MAPK4: variants seen among roughly 807,000 people sequenced by gnomAD.
The protein encoded by MAPK4 is mitogen-activated protein kinase 4.
MAPK4 carries 22 observed loss-of-function variants against 47.7 expected under a neutral mutation model. The observed-to-expected ratio is 0.46, with a 90% CI of 0.33 to 0.66. The LOEUF (loss-of-function observed/expected upper bound fraction) is 0.66. MAPK4 is among the 30% of genes least tolerant of loss of function. The pLI, the probability that MAPK4 is intolerant of heterozygous loss-of-function variation, is 0.02. For missense variants in MAPK4, 736 were observed against 831.7 expected (o/e 0.88, Z 1.42); for synonymous variants, 390 against 365.7 (o/e 1.07, Z -0.76).
At chr18:50,640,677 G>C (rs2042933121) in intron 1 of MAPK4, among the ~76,000 whole-genome samples, 1 of 152,154 alleles carries the variant, frequency 6.6e-6, no homozygotes, top group Admixed American at 6.5e-5. Context: ...TGTTGGCCAG[G>C]CTGGTCTCGA....
At chr18:50,632,042 G>C (rs191691986) in intron 1 of MAPK4, among the ~76,000 whole-genome samples, 51 of 152,280 alleles carry the variant, frequency 3.3e-4, no homozygotes, top group Non-Finnish European at 4.4e-5. Flanking sequence ...GAAAGGCACA[G>C]TGGGGGAGCT....
At position 50,730,108 on chromosome 18, in the gene MAPK4, T is replaced by A. The variant is rs1035349922; in HGVS notation, c.*254T>A. 5 of 380,794 alleles carry A rather than the reference T, an allele frequency of 1.3e-5. No individual in the cohort carries two copies. The highest frequency in any genetic ancestry group is 2.4e-5 in the Non-Finnish European group (5 of 212,502). 23.6% of individuals were successfully genotyped at this position (380,794 alleles called of 1,614,324 possible). A position where few individuals can be genotyped will look rare whatever the true frequency, so the allele number is the denominator to read the frequency against. On this transcript the variant is annotated 3_prime_UTR_variant, in exon 6 of 6. Coordinates refer to ENST00000400384, the MANE Select transcript of MAPK4 (RefSeq NM_002747.4). The stretch of plus-strand genomic sequence containing the variant: ...TTCCTAGCAAAGGGGAGACCACATG[T>A]GGTGCACAGGGAAGAAACGGCTTTA...
chr18:50,573,780 G>C (rs998416770), intron 1 of MAPK4, among the ~76,000 whole-genome samples: 2 of 152,160 alleles, frequency 1.3e-5, no homozygotes, highest in African/African-American at 4.8e-5. Context: ...GGAACATATG[G>C]TCAATATAGG....
chr18:50,631,006 C>A (rs1261884128), intron 1 of MAPK4, among the ~76,000 whole-genome samples: 1 of 152,158 alleles, frequency 6.6e-6, no homozygotes, highest in African/African-American at 2.4e-5. Context: ...TTATTTGTAT[C>A]CCCAAACCAG....
At chr18:50,729,102 T>C in intron 5 of MAPK4, 56 bp from the exon 6 acceptor site, 2 of 1,451,796 alleles carry the variant, frequency 1.4e-6, no homozygotes, top group Non-Finnish European at 1.9e-6. Context: ...CTTGGCTCCC[T>C]CCCGGAAGCT....
At chr18:50,638,690 C>T (rs951562936) in intron 1 of MAPK4, among the ~76,000 whole-genome samples, 1 of 152,176 alleles carries the variant, frequency 6.6e-6, no homozygotes, top group Middle Eastern at 3.2e-3. Flanking sequence ...GGAGTCTTTT[C>T]GGAGAGAGAT....
chr18:50,714,548 T>C (rs904380589), intron 2 of MAPK4, among the ~76,000 whole-genome samples: 4 of 152,198 alleles, frequency 2.6e-5, no homozygotes, highest in Non-Finnish European at 5.9e-5. Flanking sequence ...ATTATGAAGA[T>C]GGTCTTATCT....
chr18:50,665,032 A>G (rs1052786104), intron 2 of MAPK4, among the ~76,000 whole-genome samples: 13 of 152,222 alleles, frequency 8.5e-5, no homozygotes, highest in African/African-American at 3.1e-4. Flanking sequence ...CTAATCCTTC[A>G]CTGTACCTTA....
intron 1 of MAPK4, among the ~76,000 whole-genome samples, chr18:50,576,599 T>C (rs1598789089): frequency 1.3e-5 from 2 of 152,168 alleles, no homozygotes; most frequent in Admixed American, 6.5e-5. Flanking sequence ...GCAATTTATT[T>C]ATATAACAAA....
chr18:50,573,014 T>C (rs549538036), intron 1 of MAPK4, among the ~76,000 whole-genome samples: 1 of 152,276 alleles, frequency 6.6e-6, no homozygotes, highest in East Asian at 1.9e-4. Flanking sequence ...CTCAGGAGCA[T>C]GTACAGTTAT....
chr18:50,657,586 A>G, intron 1 of MAPK4, among the ~76,000 whole-genome samples: 1 of 152,102 alleles, frequency 6.6e-6, no homozygotes, highest in East Asian at 1.9e-4. Context: ...TCAAATGCCA[A>G]CACCAACCCT....
At chr18:50,708,341 C>G (rs753869047) in intron 2 of MAPK4, among the ~76,000 whole-genome samples, 11 of 152,106 alleles carry the variant, frequency 7.2e-5, no homozygotes, top group Non-Finnish European at 1.6e-4. Context: ...GTGTCTGTAA[C>G]TCAAAGAATT....
intron 2 of MAPK4, among the ~76,000 whole-genome samples, chr18:50,703,942 G>A (rs1909919606): frequency 6.6e-6 from 1 of 152,156 alleles, no homozygotes; most frequent in African/African-American, 2.4e-5. Flanking sequence ...AGACAGGCAG[G>A]TGGTCAAGTT....
At chr18:50,567,861 A>C (rs2042213914) in intron 1 of MAPK4, among the ~76,000 whole-genome samples, 1 of 151,782 alleles carries the variant, frequency 6.6e-6, no homozygotes, top group African/African-American at 2.4e-5. Context: ...TGTCAAAAGG[A>C]AAAACAATAA....
At chr18:50,628,687 T>C (rs2144147004) in intron 1 of MAPK4, among the ~76,000 whole-genome samples, 1 of 152,346 alleles carries the variant, frequency 6.6e-6, no homozygotes, top group South Asian at 2.1e-4. Context: ...GAACTAGGGC[T>C]AGAGCCAGGA....
At chr18:50,692,446 TAGCAGGGACG>T (rs1280703473) in intron 2 of MAPK4, among the ~76,000 whole-genome samples, 1 of 152,156 alleles carries the variant, frequency 6.6e-6, no homozygotes, top group Non-Finnish European at 1.5e-5. Context: ...TGCTGGACAG[TAGCAGGGACG>T]AGCCCTGGTT....
intron 1 of MAPK4, among the ~76,000 whole-genome samples, chr18:50,654,927 G>A (rs1182255543): frequency 1.3e-5 from 2 of 152,174 alleles, no homozygotes; most frequent in East Asian, 3.9e-4. Context: ...AAGGAAAACA[G>A]AGCAAAGCCT....
At chr18:50,602,535 G>A (rs1457001553) in intron 1 of MAPK4, among the ~76,000 whole-genome samples, 1 of 152,218 alleles carries the variant, frequency 6.6e-6, no homozygotes, top group Admixed American at 6.5e-5. Flanking sequence ...CAGCAGGGAT[G>A]TGGGCATAAC....
intron 2 of MAPK4, among the ~76,000 whole-genome samples, chr18:50,684,521 G>A (rs976597288): frequency 6.6e-6 from 1 of 151,764 alleles, no homozygotes. Context: ...ACTCCAGCCT[G>A]GGTGAGAGAG....
Sources: gnomAD v4.1 joint callset for allele counts (sites outside exome capture counted in the v4.1 genomes callset) on GRCh38, gnomAD v4.1.1 for gene constraint, MANE v1.5 for transcripts, NCBI Gene and HGNC (gene_info 2026-07-23, HGNC 2026-07-21) for gene names.